Variants in IGFL4 observed in about 807,000 individuals in gnomAD.
IGFL4 encodes the protein insulin growth factor-like family member 4.
IGFL4 carries 12 observed loss-of-function variants against 15.4 expected under a neutral mutation model. The observed-to-expected ratio is 0.78, with a 90% CI of 0.50 to 1.26. IGFL4 has a LOEUF of 1.26. Ranked by LOEUF, IGFL4 falls within the 50% of genes most tolerant of loss-of-function variation. IGFL4 has a pLI of 0.00. For synonymous variants in IGFL4, 54 were observed against 55.9 expected (o/e 0.97, Z 0.16); for missense variants, 126 against 147.8 (o/e 0.85, Z 0.76).
At chr19:46,045,481 C>G (rs1202363988), upstream of IGFL4, among the ~76,000 whole-genome samples, 15 of 150,490 alleles carry the variant, frequency 1.0e-4, no homozygotes, top group Admixed American at 9.9e-4. Context: ...TAATGAACTT[C>G]ACTGAGCTAA....
At chr19:46,064,058 C>T (rs1247688532) in intron 1 of IGFL4, among the ~76,000 whole-genome samples, 4 of 139,872 alleles carry the variant, frequency 2.9e-5, no homozygotes, top group East Asian at 2.0e-4. Flanking sequence ...GGTGACAGAA[C>T]GAGACTCCAC....
At position 46,040,727 on chromosome 19, in the gene IGFL4, G is replaced by C. The variant is rs1023056619; in HGVS notation, c.20-159C>G. 12 of 973,694 alleles carry C rather than the reference G, an allele frequency of 1.2e-5. No homozygotes were observed. Among genetic ancestry groups the C allele is most frequent in the Non-Finnish European group, 1.9e-5 (12 of 626,988 alleles). 60.3% of individuals were successfully genotyped at this position (973,694 alleles called of 1,614,324 possible). ...AGGTCCTGGGGACTGGGCTTGGCAGGTGAGGAAAGGCAGGGAGGGCTCTGG... is the reference window on the plus strand; with the variant it reads ...AGGTCCTGGGGACTGGGCTTGGCAGCTGAGGAAAGGCAGGGAGGGCTCTGG... On this transcript the variant is annotated intron_variant, in intron 1 of 3. Coordinates refer to ENST00000377697, the MANE Select transcript of IGFL4 (RefSeq NM_001002923.3). This position sits in a 1 kb window ranked among gnomAD's most constrained non-coding sequence, Gnocchi z 4.1.
intron 1 of IGFL4, among the ~76,000 whole-genome samples, chr19:46,064,943 C>T (rs908220796): frequency 6.6e-6 from 1 of 152,014 alleles, no homozygotes; most frequent in African/African-American, 2.4e-5. Flanking sequence ...CACATCCCTG[C>T]CAGCACTTGT....
intron 2 of IGFL4, among the ~76,000 whole-genome samples, chr19:46,055,105 G>A (rs1969381104): frequency 6.6e-6 from 1 of 152,186 alleles, no homozygotes; most frequent in South Asian, 2.1e-4. Flanking sequence ...CATGGGAGCA[G>A]TAAGTAAAAC....
intron 1 of IGFL4, among the ~76,000 whole-genome samples, chr19:46,075,259 C>G (rs1050573413): frequency 7.2e-5 from 11 of 152,126 alleles, no homozygotes; most frequent in African/African-American, 2.7e-4. Flanking sequence ...CATAGTTTAT[C>G]TAGGTTTTCT....
chr19:46,068,262 G>A (rs542477169), intron 1 of IGFL4, among the ~76,000 whole-genome samples: 2 of 152,256 alleles, frequency 1.3e-5, no homozygotes, highest in South Asian at 4.1e-4. Flanking sequence ...AGACCCACCA[G>A]GGCAGACAGA....
At chr19:46,060,570 C>G (rs776991482) in intron 1 of IGFL4, among the ~76,000 whole-genome samples, 28 of 152,188 alleles carry the variant, frequency 1.8e-4, no homozygotes, top group Non-Finnish European at 4.1e-4. Flanking sequence ...AAGCAATGAT[C>G]TGTGGATGAC....
At chr19:46,059,949 A>T (rs559838830) in intron 2 of IGFL4, 1 of 152,314 alleles carries the variant, frequency 6.6e-6, no homozygotes, top group South Asian at 2.1e-4. Flanking sequence ...TTCTTTACTT[A>T]CCACAGGTCG....
At chr19:46,066,766 T>A (rs1386113796) in intron 1 of IGFL4, among the ~76,000 whole-genome samples, 1 of 152,192 alleles carries the variant, frequency 6.6e-6, no homozygotes, top group Non-Finnish European at 1.5e-5. Flanking sequence ...CTATGAGGGA[T>A]CTTCCCCATG....
At chr19:46,042,812 C>T (rs1460263309), upstream of IGFL4, among the ~76,000 whole-genome samples, 2 of 152,212 alleles carry the variant, frequency 1.3e-5, no homozygotes, top group Non-Finnish European at 2.9e-5. Context: ...AAAGCCTCAT[C>T]CCTCCCTAGA....
intron 2 of IGFL4, among the ~76,000 whole-genome samples, chr19:46,047,929 T>G (rs892868077): frequency 1.3e-5 from 2 of 152,222 alleles, no homozygotes; most frequent in Admixed American, 1.3e-4. Context: ...GAGCCCAGCA[T>G]CATCCTGATA....
intron 1 of IGFL4, among the ~76,000 whole-genome samples, chr19:46,075,175 A>AT (rs1450940485): frequency 2.0e-5 from 3 of 152,202 alleles, no homozygotes; most frequent in Admixed American, 2.0e-4. Context: ...AGCTTCCCCT[A>AT]TTTTTAGCTT....
rs554949014 is a variant in IGFL4 at position 46,065,041 on chromosome 19, A to G, written c.-431-4748T>C. Among the ~76,000 whole-genome samples, 4 of 152,328 alleles carry G rather than the reference A, an allele frequency of 2.6e-5. No individual in the cohort carries two copies. In the South Asian group the frequency reaches 8.3e-4, roughly 32 times the overall value. On this transcript the variant is annotated intron_variant, in intron 1 of 5. Coordinates refer to the IGFL4 transcript ENST00000601672. Reference sequence around the variant, plus strand: ...TTGATTAGCATTTCTCTGAAGATCAATGATATTGAACACCTTTTCATATGC... The same window carrying G: ...TTGATTAGCATTTCTCTGAAGATCAGTGATATTGAACACCTTTTCATATGC...
At chr19:46,072,972 A>G (rs192994922) in intron 1 of IGFL4, among the ~76,000 whole-genome samples, 75 of 152,290 alleles carry the variant, frequency 4.9e-4, no homozygotes, top group African/African-American at 1.8e-3. Context: ...AACACAAAGC[A>G]CTATCCCAGT....
chr19:46,073,859 T>G (rs1203809129), intron 1 of IGFL4, among the ~76,000 whole-genome samples: 1 of 152,222 alleles, frequency 6.6e-6, no homozygotes, highest in Non-Finnish European at 1.5e-5. Context: ...ACTGAAAGTA[T>G]TTTTTTGTAA....
intron 2 of IGFL4, chr19:46,059,653 C>T (rs1969426469): frequency 6.6e-6 from 1 of 152,150 alleles, no homozygotes; most frequent in South Asian, 2.1e-4. Flanking sequence ...TTTTCTCTCT[C>T]CAGTCTCCCA....
In IGFL4 at chr19:46,060,783, A is replaced by G. The variant is rs1048790798; in HGVS notation, c.-431-490T>C. 3.3e-5 allele frequency among the ~76,000 whole-genome samples: 5 copies of G among 152,232 alleles called. No individual in the cohort carries two copies. In the East Asian group the frequency reaches 5.8e-4, roughly 18 times the overall value. ...AAATACAGCCCAAAGAAAGCCAAAC[A>G]TCATTTCATATTTGACAGTGTTTCT... On this transcript the variant is annotated intron_variant, in intron 1 of 5. Transcript: ENST00000601672.
At chr19:46,055,470 T>C (rs1044645819) in intron 2 of IGFL4, among the ~76,000 whole-genome samples, 2 of 152,202 alleles carry the variant, frequency 1.3e-5, no homozygotes, top group Non-Finnish European at 2.9e-5. Context: ...ATACCTCCCA[T>C]GATCTTATCA....
intron 1 of IGFL4, among the ~76,000 whole-genome samples, chr19:46,064,856 G>T (rs558546786): frequency 6.6e-5 from 10 of 152,176 alleles, no homozygotes; most frequent in African/African-American, 2.4e-4. Context: ...GTTTTTTGAG[G>T]AATCTTCAAA....
Sources: gnomAD v4.1 joint callset for allele counts (sites outside exome capture counted in the v4.1 genomes callset) on GRCh38, gnomAD v4.1.1 for gene constraint, Gnocchi (gnomAD v3.1) non-coding constraint, MANE v1.5 for transcripts, NCBI Gene and HGNC (gene_info 2026-07-23, HGNC 2026-07-21) for gene names.